CCDC7: variants seen among roughly 807,000 people sequenced by gnomAD.
CCDC7 encodes the protein coiled-coil domain containing 7, also known as coiled-coil domain-containing protein 7.
Under a neutral mutation model 196.9 loss-of-function variants are expected in CCDC7, and 183 were observed. The ratio of observed to expected loss-of-function variants is 0.93; its 90% confidence interval spans 0.82 to 1.05. The LOEUF (loss-of-function observed/expected upper bound fraction) is 1.05. CCDC7 is among the 50% of genes least tolerant of loss of function. CCDC7 has a pLI of 0.00. For missense variants in CCDC7, 1,540 were observed against 1,482.2 expected, an observed-to-expected ratio of 1.04 and a Z score of -0.64; for synonymous variants, 525 against 484.6, an observed-to-expected ratio of 1.08 and a Z score of -1.10.
intron 22 of CCDC7, among the ~76,000 whole-genome samples, chr10:32,882,318 G>A (rs530931148): frequency 1.2e-4 from 19 of 152,202 alleles, no homozygotes; most frequent in Admixed American, 9.8e-4. Flanking sequence ...AGACATTAAC[G>A]GCGAGGGGTG....
intron 29 of CCDC7, among the ~76,000 whole-genome samples, chr10:32,789,683 G>C (rs772316908): frequency 6.6e-6 from 1 of 152,164 alleles, no homozygotes; most frequent in African/African-American, 2.4e-5. Flanking sequence ...GCCTTAATGT[G>C]TGGTGATTAG....
At chr10:32,847,428 C>G (rs1398702154) in intron 37 of CCDC7, among the ~76,000 whole-genome samples, 1 of 152,042 alleles carries the variant, frequency 6.6e-6, no homozygotes, top group African/African-American at 2.4e-5. Context: ...CCTCAAAGCA[C>G]TTATTATAAG....
At chr10:32,855,336 G>A (rs1412089980) in intron 41 of CCDC7, among the ~76,000 whole-genome samples, 1 of 151,888 alleles carries the variant, frequency 6.6e-6, no homozygotes, top group African/African-American at 2.4e-5. Flanking sequence ...GATGATTCAG[G>A]CGCATTACAT....
chr10:32,445,639 G>T (rs1351691703), upstream of CCDC7, among the ~76,000 whole-genome samples: 2 of 152,180 alleles, frequency 1.3e-5, no homozygotes, highest in East Asian at 3.8e-4. Flanking sequence ...TTAAAGCAGT[G>T]CGTGGAAACT....
chr10:32,557,706 A>T (rs1589847606), intron 13 of CCDC7, among the ~76,000 whole-genome samples: 1 of 151,562 alleles, frequency 6.6e-6, no homozygotes, highest in African/African-American at 2.4e-5. Context: ...TTTTTTTTTT[A>T]AAGAGACATT....
chr10:32,555,454 C>T (rs1384128831), intron 13 of CCDC7, among the ~76,000 whole-genome samples: 3 of 152,044 alleles, frequency 2.0e-5, no homozygotes, highest in South Asian at 2.1e-4. Context: ...CCATGTTGGC[C>T]AGGATGGTCT....
chr10:32,493,901 G>A (rs955654801), intron 9 of CCDC7, among the ~76,000 whole-genome samples: 4 of 151,960 alleles, frequency 2.6e-5, no homozygotes, highest in African/African-American at 9.6e-5. Context: ...TTGTTTTCTT[G>A]TAGTTGAGTT....
chr10:32,823,008 T>C (rs1397399238), intron 31 of CCDC7, among the ~76,000 whole-genome samples: 1 of 152,226 alleles, frequency 6.6e-6, no homozygotes, highest in Non-Finnish European at 1.5e-5. Flanking sequence ...AATCAGCCTT[T>C]CTTACTTATA....
At chr10:32,856,950 G>A (rs1466682155) in intron 41 of CCDC7, among the ~76,000 whole-genome samples, 1 of 151,962 alleles carries the variant, frequency 6.6e-6, no homozygotes, top group East Asian at 1.9e-4. Context: ...AGGTGTCCTG[G>A]CAGTTCAACA....
chr10:32,618,836 C>G (rs1045742811), intron 18 of CCDC7, among the ~76,000 whole-genome samples: 2 of 151,946 alleles, frequency 1.3e-5, no homozygotes, highest in Admixed American at 1.3e-4. Context: ...AATTTGTTTT[C>G]TAAATTTTTT....
intron 25 of CCDC7, among the ~76,000 whole-genome samples, chr10:32,714,613 C>G (rs1399299195): frequency 6.6e-6 from 1 of 152,152 alleles, no homozygotes; most frequent in African/African-American, 2.4e-5. Flanking sequence ...CTCAGTGGAT[C>G]CCACCCTCAC....
At chr10:32,855,667 G>A (rs970875129) in intron 41 of CCDC7, among the ~76,000 whole-genome samples, 1 of 152,158 alleles carries the variant, frequency 6.6e-6, no homozygotes, top group African/African-American at 2.4e-5. Flanking sequence ...CACAGATGAA[G>A]CTTCCCTTGC....
chr10:32,809,021 A>C (rs1056379365), intron 30 of CCDC7, among the ~76,000 whole-genome samples: 2 of 152,090 alleles, frequency 1.3e-5, no homozygotes, highest in African/African-American at 4.8e-5. Flanking sequence ...CTACCAAAAA[A>C]CTTTTTTTAA....
intron 18 of CCDC7, among the ~76,000 whole-genome samples, chr10:32,610,569 C>G (rs1214367129): frequency 2.0e-5 from 3 of 152,150 alleles, no homozygotes; most frequent in African/African-American, 7.2e-5. Flanking sequence ...TGTTCCTCCC[C>G]TTGCCCTCTA....
At chr10:32,800,272 A>G (rs2095555) in intron 29 of CCDC7, among the ~76,000 whole-genome samples, 1 of 152,020 alleles carries the variant, frequency 6.6e-6, no homozygotes, top group Non-Finnish European at 1.5e-5. Flanking sequence ...GATGTATGAT[A>G]TTTCTAGGTA....
rs767037611 is a variant in CCDC7, at chr10:32,639,211, G to C, written c.2014+4053G>C. 2.6e-5 allele frequency among the ~76,000 whole-genome samples: 4 copies of C among 151,934 alleles called. No homozygotes were observed. The South Asian group carries it at 6.2e-4, about 24-fold the overall frequency. ...CTTGGATTCATTGATTTTTTTGAAG[G>C]GTTTTTTGGGTCTCTATTTCCTTCA... On this transcript the variant is annotated intron_variant, in intron 20 of 41. Coordinates refer to ENST00000639629, the Ensembl canonical transcript of CCDC7.
chr10:32,687,431 C>T (rs1408935646), intron 22 of CCDC7, among the ~76,000 whole-genome samples: 1 of 152,116 alleles, frequency 6.6e-6, no homozygotes, highest in Non-Finnish European at 1.5e-5. Flanking sequence ...ACAGAAGATA[C>T]ATCTATATCA....
chr10:32,796,227 G>A (rs2134812253), intron 29 of CCDC7, among the ~76,000 whole-genome samples: 1 of 152,104 alleles, frequency 6.6e-6, no homozygotes, highest in East Asian at 1.9e-4. Flanking sequence ...CTTGGATATT[G>A]CTGGTCATAA....
intron 21 of CCDC7, among the ~76,000 whole-genome samples, chr10:32,676,559 G>A (rs1023684700): frequency 6.6e-6 from 1 of 152,248 alleles, no homozygotes; most frequent in African/African-American, 2.4e-5. Flanking sequence ...TGTGGGCGAA[G>A]GACATGAGCA....
Sources: allele counts gnomAD v4.1 joint callset (sites outside exome capture counted in the v4.1 genomes callset), GRCh38; gene constraint gnomAD v4.1.1; transcripts MANE v1.5; gene names NCBI Gene and HGNC (gene_info 2026-07-23, HGNC 2026-07-21).